Variants in DIAPH2 observed in about 807,000 individuals in gnomAD.
DIAPH2 encodes the protein diaphanous related formin 2, also known as protein diaphanous homolog 2.
A neutral mutation model predicts 92.7 loss-of-function variants in DIAPH2; 35 were observed. The ratio of observed to expected loss-of-function variants is 0.38; its 90% CI spans 0.29 to 0.50. The LOEUF (loss-of-function observed/expected upper bound fraction) is 0.50, where lower values mean the gene tolerates loss of function less well. Ranked by LOEUF, DIAPH2 falls within the 20% of genes least tolerant of loss-of-function variation. The pLI is 0.94. For synonymous variants in DIAPH2, 301 were observed against 280.4 expected (o/e 1.07, Z -0.73); for missense variants, 701 against 819.5 (o/e 0.86, Z 1.77).
chrX:96,975,134 G>C (rs1372274489), intron 17 of DIAPH2, among the ~76,000 whole-genome samples: 1 of 111,820 alleles, frequency 8.9e-6, no homozygotes, highest in African/African-American at 3.2e-5. Flanking sequence ...TGCAGTGCTT[G>C]AAATATTGGA....
chrX:97,334,333 G>A (rs1351107749), intron 23 of DIAPH2, among the ~76,000 whole-genome samples: 2 of 109,630 alleles, frequency 1.8e-5, no homozygotes, highest in Admixed American at 2.0e-4. Context: ...CGTGGTGGCG[G>A]GCGCCTGTAG....
intron 23 of DIAPH2, among the ~76,000 whole-genome samples, chrX:97,258,257 A>T (rs780957651): frequency 9.8e-5 from 11 of 112,082 alleles, no homozygotes; most frequent in Non-Finnish European, 1.5e-4. Context: ...ATGACATTCT[A>T]TATGCTATGA....
intron 25 of DIAPH2, among the ~76,000 whole-genome samples, chrX:97,402,623 C>A (rs752746480): frequency 2.7e-5 from 3 of 111,566 alleles, no homozygotes; most frequent in African/African-American, 9.8e-5. Flanking sequence ...CTATTTCAAT[C>A]TTTTCTGCTT....
chrX:97,154,583 C>T lies in DIAPH2; in HGVS notation c.2719+12789C>T, dbSNP rs76355594. Among the ~76,000 whole-genome samples the T allele has an allele frequency of 3.5e-4, 39 of 111,256 alleles. 1 individual carries two copies. The East Asian group carries it at 9.8e-3, about 28-fold the overall frequency. ...TTAGGGTTTTACTCAATTGATTTTTCCTTCTACGTGTCCACAGAGAATAGT... is the reference window on the plus strand; with the variant it reads ...TTAGGGTTTTACTCAATTGATTTTTTCTTCTACGTGTCCACAGAGAATAGT... On this transcript the variant is annotated intron_variant, in intron 22 of 26. Coordinates refer to ENST00000324765, the MANE Select transcript of DIAPH2 (RefSeq NM_006729.5).
intron 26 of DIAPH2, among the ~76,000 whole-genome samples, chrX:97,436,027 A>C (rs7066873): frequency 9.1e-6 from 1 of 110,486 alleles, no homozygotes; most frequent in Non-Finnish European, 1.9e-5. Context: ...GGATGGTCTC[A>C]ATCTCCTGAC....
chrX:97,595,566 T>G, intron 26 of DIAPH2, among the ~76,000 whole-genome samples: 1 of 110,595 alleles, frequency 9.0e-6, no homozygotes, highest in Non-Finnish European at 1.9e-5. Context: ...TTCTTTTCTT[T>G]CTTTCTTTTT....
intron 4 of DIAPH2, among the ~76,000 whole-genome samples, chrX:96,807,944 CAAAAAAAAAAAAAAAAAAA>C (rs541681495): frequency 4.8e-4 from 7 of 14,473 alleles, no homozygotes; most frequent in Admixed American, 1.4e-3. Context: ...GTAGAAATAG[CAAAAAAAAAAAAAAAAAAA>C]AAAAAAAAAA....
At chrX:96,963,905 T>A (rs766309897) in intron 16 of DIAPH2, among the ~76,000 whole-genome samples, 8 of 111,822 alleles carry the variant, frequency 7.2e-5, no homozygotes, top group Admixed American at 1.9e-4. Flanking sequence ...ACTTTTTTTT[T>A]AATTTTACAC....
chrX:96,960,715 G>A (rs1230076196), intron 16 of DIAPH2, among the ~76,000 whole-genome samples: 1 of 111,716 alleles, frequency 9.0e-6, no homozygotes, highest in Non-Finnish European at 1.9e-5. Flanking sequence ...TGTCCATTCA[G>A]TATGATGTTA....
chrX:97,566,522 C>G (rs2071328902), intron 26 of DIAPH2, among the ~76,000 whole-genome samples: 1 of 111,563 alleles, frequency 9.0e-6, no homozygotes, highest in African/African-American at 3.3e-5. Flanking sequence ...CCCTTGTCCT[C>G]AACAACTGAC....
At position 97,373,333 on chromosome X, in the gene DIAPH2, G is replaced by A. The variant is rs758077090; in HGVS notation, c.3010-10576G>A. 4.5e-5 allele frequency among the ~76,000 whole-genome samples: 5 copies of A among 110,073 alleles called. No homozygotes were observed. In the East Asian group the frequency reaches 1.4e-3, roughly 32 times the overall value. On this transcript the variant is annotated intron_variant, in intron 24 of 26. Coordinates refer to ENST00000324765, the MANE Select transcript of DIAPH2 (RefSeq NM_006729.5). ...TCTACAATAAAGAAATATGAGGTGC[G>A]TAGGGAACTATGTGTAGAGACGTTC...
chrX:97,404,715 AG>A (rs912323056), intron 25 of DIAPH2, among the ~76,000 whole-genome samples: 1 of 112,100 alleles, frequency 8.9e-6, no homozygotes, highest in African/African-American at 3.2e-5. Flanking sequence ...TTTTATCAAA[AG>A]GAAAAAAATG....
chrX:97,385,014 G>T (rs887920114), intron 25 of DIAPH2, among the ~76,000 whole-genome samples: 2 of 110,867 alleles, frequency 1.8e-5, no homozygotes, highest in Admixed American at 9.7e-5. Flanking sequence ...TTGGTATCAG[G>T]TATCTGCACA....
intron 26 of DIAPH2, chrX:97,555,519 G>A: frequency 1.8e-6 from 1 of 569,346 alleles, no homozygotes; most frequent in Non-Finnish European, 2.1e-6. Context: ...GAACATGATG[G>A]ACTGTAGTTG....
At chrX:97,516,027 G>A (rs1241931538) in intron 26 of DIAPH2, among the ~76,000 whole-genome samples, 1 of 110,586 alleles carries the variant, frequency 9.0e-6, no homozygotes, top group Non-Finnish European at 1.9e-5. Context: ...GCGGAGGCGG[G>A]CGGATCATGA....
chrX:96,864,980 C>T (rs758419476), intron 4 of DIAPH2, among the ~76,000 whole-genome samples: 1 of 111,784 alleles, frequency 8.9e-6, no homozygotes, highest in East Asian at 2.8e-4. Flanking sequence ...TGTGTTCTTC[C>T]AAAAGAGCTC....
At chrX:97,025,887 A>C (rs1487057579) in intron 17 of DIAPH2, among the ~76,000 whole-genome samples, 1 of 111,810 alleles carries the variant, frequency 8.9e-6, no homozygotes, top group African/African-American at 3.3e-5. Flanking sequence ...AAAATGGGAA[A>C]GAACCTATTC....
chrX:97,340,235 C>G (rs1384960188), intron 23 of DIAPH2, among the ~76,000 whole-genome samples: 1 of 111,612 alleles, frequency 9.0e-6, no homozygotes, highest in Non-Finnish European at 1.9e-5. Flanking sequence ...AGGAGAGGTT[C>G]TAGCATTAGT....
intron 25 of DIAPH2, among the ~76,000 whole-genome samples, chrX:97,390,457 C>T (rs1359699069): frequency 3.6e-5 from 4 of 110,450 alleles, no homozygotes; most frequent in African/African-American, 9.9e-5. Context: ...TGAGATTAAG[C>T]GATCTGCCTT....
Sources: allele counts gnomAD v4.1 joint callset (sites outside exome capture counted in the v4.1 genomes callset), GRCh38; gene constraint gnomAD v4.1.1; transcripts MANE v1.5; gene names NCBI Gene and HGNC (gene_info 2026-07-23, HGNC 2026-07-21).